The following LRP8 variants were observed in gnomAD, a reference collection of about 807,000 sequenced individuals.
The protein encoded by LRP8 is LDL receptor related protein 8, also known as low-density lipoprotein receptor-related protein 8.
A neutral mutation model predicts 111.6 loss-of-function variants in LRP8; 46 were observed. That is an observed-to-expected ratio of 0.41 (90% CI 0.33 to 0.53). The LOEUF (loss-of-function observed/expected upper bound fraction) is 0.53. Among genes scored for constraint, LRP8 ranks in the 20% least tolerant of loss-of-function variants. The pLI, the probability that LRP8 is intolerant of heterozygous loss-of-function variation, is 0.20. For synonymous variants in LRP8, 464 were observed against 511.2 expected (o/e 0.91, Z 1.24); for missense variants, 959 against 1,297.4 (o/e 0.74, Z 4.01).
chr1:53,319,500 G>A (rs1398108335), intron 2 of LRP8, among the ~76,000 whole-genome samples: 1 of 152,194 alleles, frequency 6.6e-6, no homozygotes, highest in Non-Finnish European at 1.5e-5. Context: ...GACACTCCAT[G>A]GCGCCTGAGA....
At position 53,326,988 on chromosome 1, in the gene LRP8, C is replaced by G; in HGVS notation, c.129G>C (p.Pro43=). Reference sequence around the variant, plus strand: ...ATTGGTCCTTTTCGCAATCCTTGGCCGGCCCTGCGAGGGGGAGGGAGCGTG... The same window carrying G: ...ATTGGTCCTTTTCGCAATCCTTGGCGGGCCCTGCGAGGGGGAGGGAGCGTG... The part of the protein sequence containing the change: ...AADPLLGGQG[P]AKDCEKDQFQ... Residue 43 remains proline (P), a synonymous_variant, in exon 2 of 19, where the codon CCG becomes CCC. Coordinates refer to ENST00000306052, the MANE Select transcript of LRP8 (RefSeq NM_004631.5). 1 of 1,612,942 alleles carries G rather than the reference C, an allele frequency of 6.2e-7. No homozygotes were observed. The highest frequency in any genetic ancestry group is 8.5e-7 in the Non-Finnish European group (1 of 1,179,926).
intron 2 of LRP8, among the ~76,000 whole-genome samples, chr1:53,319,237 A>C (rs1006104036): frequency 6.6e-6 from 1 of 152,174 alleles, no homozygotes; most frequent in Non-Finnish European, 1.5e-5. Context: ...GCTGGAAACT[A>C]AGATGCCCTC....
At chr1:53,302,697 CTTT>C (rs35419399) in intron 2 of LRP8, among the ~76,000 whole-genome samples, 3 of 141,780 alleles carry the variant, frequency 2.1e-5, no homozygotes. Flanking sequence ...CAATCAATGC[CTTT>C]TTTTTTTTTT....
rs1285780656 is a variant in LRP8 at position 53,257,425 on chromosome 1, A to G, written c.2249T>C (p.Met750Thr). 23 of 1,614,044 alleles carry G rather than the reference A, an allele frequency of 1.4e-5. No individual in the cohort carries two copies. The highest frequency in any genetic ancestry group is 1.9e-5 in the Non-Finnish European group (23 of 1,180,032). Residue 750 changes from methionine (M) to threonine (T), a missense_variant, in exon 15 of 19, where the codon ATG (methionine) becomes ACG (threonine). Physicochemically the swap from Met to Thr is moderately conservative, Grantham distance 81. Around this residue, in one of 3 missense-constraint regions of LRP8, gnomAD observed 819 missense variants for 1,097.6 expected, o/e 0.75. Transcript: ENST00000306052. Reference sequence around the variant, plus strand: ...TGTGGTGGCAGGTACTGTCCTCGTCATGGTAGAAGCTAACGTCGTAGTTGA... The same window carrying G: ...TGTGGTGGCAGGTACTGTCCTCGTCGTGGTAGAAGCTAACGTCGTAGTTGA... ...STSTTTLAST[M>T]TRTVPATTRA... is the part of the protein sequence containing the mutation.
At chr1:53,321,536 GCTCTCGCTCCTCA>G in intron 2 of LRP8, among the ~76,000 whole-genome samples, 1 of 152,252 alleles carries the variant, frequency 6.6e-6, no homozygotes, top group South Asian at 2.1e-4. Flanking sequence ...CGCCCTCTGG[GCTCTCGCTCCTCA>G]CTGCCCCCTG....
At chr1:53,307,203 C>T (rs1160197050) in intron 2 of LRP8, 1 of 152,260 alleles carries the variant, frequency 6.6e-6, no homozygotes, top group Admixed American at 6.5e-5. Context: ...GAAAGAGCAC[C>T]ACGCAGGGAG....
intron 2 of LRP8, among the ~76,000 whole-genome samples, chr1:53,306,872 C>A (rs1288489): frequency 6.6e-6 from 1 of 152,136 alleles, no homozygotes; most frequent in African/African-American, 2.4e-5. Flanking sequence ...ACCTCATCTC[C>A]TGGTTTACGA....
intron 2 of LRP8, among the ~76,000 whole-genome samples, chr1:53,326,178 A>C (rs1250792634): frequency 6.6e-6 from 1 of 152,226 alleles, no homozygotes; most frequent in Non-Finnish European, 1.5e-5. Flanking sequence ...TCTGCTAACC[A>C]GGGTGGCTCA....
chr1:53,251,358 G>A (rs1335237956), intron 16 of LRP8, among the ~76,000 whole-genome samples: 1 of 152,108 alleles, frequency 6.6e-6, no homozygotes, highest in Non-Finnish European at 1.5e-5. Context: ...ACTGGGGGGT[G>A]GAGAGTGGGA....
Position 53,326,990 on chromosome 1 carries a change from G to A in LRP8, c.127C>T (p.Pro43Ser). The A allele has an allele frequency of 1.2e-6, 2 of 1,612,776 alleles. No individual in the cohort carries two copies. The highest frequency in any genetic ancestry group is 1.7e-6 in the Non-Finnish European group (2 of 1,179,892). The change falls in exon 2 of 19, where the codon CCG (proline) becomes TCG (serine). Residue 43 changes from proline (P) to serine (S), a missense_variant and splice_region_variant. Pro to Ser is a moderately conservative substitution (Grantham distance 74, BLOSUM62 -1). Around this residue, in one of 3 missense-constraint regions of LRP8, gnomAD observed 97 missense variants for 107.5 expected, o/e 0.90. Coordinates refer to ENST00000306052, the MANE Select transcript of LRP8 (RefSeq NM_004631.5). ...AADPLLGGQG[P>S]AKDCEKDQFQ... The stretch of plus-strand genomic sequence containing the variant: ...TGGTCCTTTTCGCAATCCTTGGCCG[G>A]CCCTGCGAGGGGGAGGGAGCGTGAG...
Position 53,283,470 on chromosome 1 carries a change from C to CACTT in LRP8, c.368-2759_368-2756dup, listed in dbSNP as rs76300315. Among the ~76,000 whole-genome samples the CACTT allele has an allele frequency of 1.6e-4, 18 of 110,350 alleles. No individual in the cohort carries two copies. The South Asian group carries it at 2.5e-3, about 15-fold the overall frequency. 72.4% of individuals were successfully genotyped at this position (110,350 alleles called of 152,430 possible). ...CCACTTACTTACTACATACCCGGGC[C>CACTT]ACTTACTTACTACATACCCGGGCCA... On this transcript the variant is annotated intron_variant, in intron 3 of 18. Coordinates refer to ENST00000306052, the MANE Select transcript of LRP8 (RefSeq NM_004631.5).
chr1:53,320,265 A>G lies in LRP8; in HGVS notation c.244+6608T>C, dbSNP rs1654332454. 3.9e-5 allele frequency among the ~76,000 whole-genome samples: 6 copies of G among 152,186 alleles called. No individual in the cohort carries two copies. The South Asian group carries it at 1.2e-3, about 31-fold the overall frequency. On this transcript the variant is annotated intron_variant, in intron 2 of 18. Transcript: ENST00000306052. ...AGTCAGGAGCCCAAAGCCCTTCGGT[A>G]CTGCAAAAGGCTTGTGTCCACCCCT...
chr1:53,251,244 G>C (rs1224328712), intron 16 of LRP8, among the ~76,000 whole-genome samples: 1 of 152,086 alleles, frequency 6.6e-6, no homozygotes, highest in East Asian at 1.9e-4. Context: ...GCACTGACTA[G>C]GTGCCTAGTA....
rs190209256 is a variant in LRP8, at chr1:53,257,809, T to G, written c.2210-345A>C. Among the ~76,000 whole-genome samples, 111 of 152,324 alleles carry G rather than the reference T, an allele frequency of 7.3e-4. 1 individual carries two copies. The highest frequency in any genetic ancestry group is 2.5e-3 in the African/African-American group (102 of 41,580). On this transcript the variant is annotated intron_variant, in intron 14 of 18. Transcript: ENST00000306052. Reference sequence around the variant, plus strand: ...AAATTCTTATTCCACTTTAAACAATTGAACCTGTAAATCATTAATAATGCA... The same window carrying G: ...AAATTCTTATTCCACTTTAAACAATGGAACCTGTAAATCATTAATAATGCA...
At chr1:53,282,851 G>A (rs1017712120) in intron 3 of LRP8, among the ~76,000 whole-genome samples, 2 of 152,104 alleles carry the variant, frequency 1.3e-5, no homozygotes, top group Non-Finnish European at 2.9e-5. Context: ...TGATACAGAT[G>A]TTCCATACAC....
rs1386006199 is a variant in LRP8, at chr1:53,276,986, C to G, written c.589G>C (p.Asp197His). The G allele has an allele frequency of 6.6e-7, 1 of 1,511,996 alleles. No individual in the cohort carries two copies. Among genetic ancestry groups the G allele is most frequent in the Non-Finnish European group, 8.8e-7 (1 of 1,133,692 alleles). 93.7% of individuals were successfully genotyped at this position (1,511,996 alleles called of 1,614,324 possible). A position where few individuals can be genotyped will look rare whatever the true frequency, so the allele number is the denominator to read the frequency against. The change falls in exon 5 of 19, where the codon GAT (aspartate) becomes CAT (histidine). Residue 197 changes from aspartate (D) to histidine (H), a missense_variant. By Grantham distance (81) the Asp-to-His change is moderately conservative (BLOSUM62 -1). This residue lies in a region of LRP8 where 819 missense variants were observed against 1,097.6 expected (regional missense o/e 0.75). Transcript: ENST00000306052. ...DGDDDCGDGS[D>H]ERGCADPACG... ...GCCGGGTCTGCACAGCCGCGCTCAT[C>G]GCTGCCGTCACCACAGTCGTCGTCG...
rs931379034 is a variant in LRP8 at position 53,294,380 on chromosome 1, C to T, written c.245-4691G>A. 6.6e-6 allele frequency among the ~76,000 whole-genome samples: 1 copy of T among 152,164 alleles called. No individual in the cohort carries two copies. Among genetic ancestry groups the T allele is most frequent in the Admixed American group, 6.5e-5 (1 of 15,280 alleles). On this transcript the variant is annotated intron_variant, in intron 2 of 18. Coordinates refer to ENST00000306052, the MANE Select transcript of LRP8 (RefSeq NM_004631.5). The surrounding 1 kb of genome is among the most constrained non-coding windows in gnomAD (Gnocchi z 4.1). Reference sequence around the variant, plus strand: ...TCCAGGACAAAGGAAGTGGGAAATGCTATTTATAACAAGAACACGGGCCAA... The same window carrying T: ...TCCAGGACAAAGGAAGTGGGAAATGTTATTTATAACAAGAACACGGGCCAA...
chr1:53,323,733 T>G (rs1654802881), intron 2 of LRP8, among the ~76,000 whole-genome samples: 1 of 152,242 alleles, frequency 6.6e-6, no homozygotes, highest in Non-Finnish European at 1.5e-5. Context: ...TTAGAAGGCC[T>G]CAGTTTGAGT....
chr1:53,281,621 A>C (rs777514033), intron 3 of LRP8, among the ~76,000 whole-genome samples: 4 of 152,262 alleles, frequency 2.6e-5, no homozygotes, highest in Non-Finnish European at 4.4e-5. Context: ...GGCCTCCAGC[A>C]TAGAGGCGGA....
Sources: gnomAD v4.1 joint callset for allele counts (sites outside exome capture counted in the v4.1 genomes callset) on GRCh38, gnomAD v4.1.1 for gene constraint, gnomAD v4.1.1 regional missense constraint, Gnocchi (gnomAD v3.1) non-coding constraint, MANE v1.5 for transcripts, NCBI Gene and HGNC (gene_info 2026-07-23, HGNC 2026-07-21) for gene names.